The following PHB2 variants were observed in gnomAD, a reference collection of about 807,000 sequenced individuals.
The protein encoded by PHB2 is prohibitin-2.
A neutral mutation model predicts 46.4 loss-of-function variants in PHB2; 22 were observed. The observed-to-expected ratio is 0.47, with a 90% CI of 0.34 to 0.68. PHB2 has a LOEUF of 0.68. PHB2 is among the 30% of genes least tolerant of loss of function. The probability of loss-of-function intolerance (pLI) is 0.01; values close to 1 mark genes in which losing one functional copy is unlikely to be tolerated. For missense variants in PHB2, 305 were observed against 382.8 expected (o/e 0.80, Z 1.70); for synonymous variants, 156 against 150.5 (o/e 1.04, Z -0.27).
chr12:6,968,627 G>A lies in PHB2; in HGVS notation c.293-32C>T, dbSNP rs781990643. ...TTGAGGTCAGCAGTGGCTGGTCAAG[G>A]CCAAACACCCTTTCCCAAGCATTTT... On this transcript the variant is annotated intron_variant, in intron 3 of 9. Transcript: ENST00000535923. The A allele has an allele frequency of 5.7e-6, 9 of 1,570,190 alleles. No homozygotes were observed. The South Asian group carries it at 1.0e-4, about 18-fold the overall frequency.
rs782404486 is a variant in PHB2 at position 6,967,827 on chromosome 12, C to T, written c.608-48G>A. The T allele has an allele frequency of 1.2e-6, 2 of 1,609,256 alleles. No individual in the cohort carries two copies. Among genetic ancestry groups the T allele is most frequent in the Non-Finnish European group, 1.7e-6 (2 of 1,176,418 alleles). ...AGACCCTGTCCTGGGTCAGGAGCCCCACCCATGGAGTCTTTCCTCCTCCTG... is the reference window on the plus strand; with the variant it reads ...AGACCCTGTCCTGGGTCAGGAGCCCTACCCATGGAGTCTTTCCTCCTCCTG... On this transcript the variant is annotated intron_variant, in intron 5 of 9. Transcript: ENST00000535923. This position sits in a 1 kb window ranked among gnomAD's most constrained non-coding sequence, Gnocchi z 4.9.
chr12:6,966,639 T>C, intron 7 of PHB2, 139 bp from the exon 8 acceptor site: 1 of 678,782 alleles, frequency 1.5e-6, no homozygotes, highest in Non-Finnish European at 2.7e-6. Context: ...TGGTTTCTGC[T>C]CGCACTTAGG....
intron 2 of PHB2, 27 bp downstream of exon 2, chr12:6,970,169 G>A (rs782165238): frequency 6.4e-7 from 1 of 1,566,568 alleles, no homozygotes; most frequent in South Asian, 1.1e-5. Flanking sequence ...TGAAAGGTCA[G>A]GGTCAGCAGG....
At position 6,970,367 on chromosome 12, in the gene PHB2, G is replaced by A. The variant is rs782141265; in HGVS notation, c.127+50C>T. 15 of 1,604,670 alleles carry A rather than the reference G, an allele frequency of 9.3e-6. No individual in the cohort carries two copies. In the South Asian group the frequency reaches 1.2e-4, roughly 13 times the overall value. The stretch of plus-strand genomic sequence containing the variant: ...GAGGGGCGCGGGGACAGGGCAAGGG[G>A]TTTGGGGGAGGGACTGGAAGCGTCC... On this transcript the variant is annotated intron_variant, in intron 1 of 9. Transcript: ENST00000535923.
At position 6,970,466 on chromosome 12, in the gene PHB2, C is replaced by A. The variant is rs781798681; in HGVS notation, c.78G>T (p.Leu26Phe). 13 of 1,605,628 alleles carry A rather than the reference C, an allele frequency of 8.1e-6. No individual in the cohort carries two copies. In the South Asian group the frequency reaches 9.9e-5, roughly 12 times the overall value. ...CGTAGGCCACGGCGCCGGCCCCCAG[C>A]AACAGCTTCAGGGCCGTGCCCATGC... ...PRGMGTALKLLLGAGAVAYGV... is the reference protein window; with the variant it reads ...PRGMGTALKLFLGAGAVAYGV... The change falls in exon 1 of 10, where the codon TTG (leucine) becomes TTT (phenylalanine). Residue 26 changes from leucine (L) to phenylalanine (F), a missense_variant. Physicochemically the swap from Leu to Phe is conservative, Grantham distance 22. Coordinates refer to ENST00000535923, the MANE Select transcript of PHB2 (RefSeq NM_001144831.2).
At position 6,967,379 on chromosome 12, in the gene PHB2, T is replaced by C. The variant is rs1591700654; in HGVS notation, c.712-131A>G. On this transcript the variant is annotated intron_variant, in intron 6 of 9. Coordinates refer to ENST00000535923, the MANE Select transcript of PHB2 (RefSeq NM_001144831.2). The surrounding 1 kb of genome is among the most constrained non-coding windows in gnomAD (Gnocchi z 4.9). ...CGCTCAGGTGGCTTGTGCCCAGCCC[T>C]ACCGTGGACCCCACCTGTGGGCCTC... The C allele has an allele frequency of 1.2e-5, 20 of 1,606,274 alleles. No individual in the cohort carries two copies. In the East Asian group the frequency reaches 3.3e-4, roughly 27 times the overall value.
Position 6,968,509 on chromosome 12 carries a change from C to A in PHB2, c.379G>T (p.Asp127Tyr). Residue 127 changes from aspartate (D) to tyrosine (Y), a missense_variant, in exon 4 of 10, where the codon GAC (aspartate) becomes TAC (tyrosine). Around this residue, in one of 3 missense-constraint regions of PHB2, gnomAD observed 241 missense variants for 302.7 expected, o/e 0.80. Transcript: ENST00000535923. ...GACGGCAACACTCGTTCCTCGTAGT[C>A]CAGCCCTAGGCGCTGGTACATGCTA... ...LPSMYQRLGL[D>Y]YEERVLPSIV... is the part of the protein sequence containing the mutation. 1 of 1,613,530 alleles carries A rather than the reference C, an allele frequency of 6.2e-7. No homozygotes were observed. Among genetic ancestry groups the A allele is most frequent in the Non-Finnish European group, 8.5e-7 (1 of 1,179,660 alleles).
rs115040081 is a variant in PHB2 at position 6,967,177 on chromosome 12, G to A, written c.783C>T (p.Ser261=). Residue 261 remains serine, a synonymous_variant, in exon 7 of 10, where the codon TCC becomes TCT. Transcript: ENST00000535923. The surrounding 1 kb of genome is among the most constrained non-coding windows in gnomAD (Gnocchi z 4.9). ...GCTGGGCTGACACACTCACCGTCTT[G>A]GAGATATTCTGGGCTGCTCGAATCT... The part of the protein sequence containing the change: ...LRKIRAAQNI[S]KTIATSQNRI... 1 of 1,575,222 alleles carries A rather than the reference G, an allele frequency of 6.3e-7. No homozygotes were observed. Among genetic ancestry groups the A allele is most frequent in the Non-Finnish European group, 8.6e-7 (1 of 1,159,538 alleles).
At position 6,970,446 on chromosome 12, in the gene PHB2, G is replaced by A; in HGVS notation, c.98C>T (p.Ala33Val). ...GAACACAGATTCGCGCACACCGTAG[G>A]CCACGGCGCCGGCCCCCAGCAACAG... Reference protein sequence around the residue: ...LKLLLGAGAVAYGVRESVFTV... With the variant: ...LKLLLGAGAVVYGVRESVFTV... The change falls in exon 1 of 10, where the codon GCC (alanine) becomes GTC (valine). Residue 33 changes from alanine to valine, a missense_variant. Physicochemically the swap from Ala to Val is moderately conservative, Grantham distance 64. This residue lies in a region of PHB2 where 60 missense variants were observed against 61.0 expected (regional missense o/e 0.98). Coordinates refer to ENST00000535923, the MANE Select transcript of PHB2 (RefSeq NM_001144831.2). The A allele has an allele frequency of 6.2e-7, 1 of 1,604,208 alleles. No individual in the cohort carries two copies. The highest frequency in any genetic ancestry group is 8.5e-7 in the Non-Finnish European group (1 of 1,179,614).
chr12:6,967,175 T>G lies in PHB2; in HGVS notation c.785A>C (p.Lys262Thr), dbSNP rs1377300989. 1 of 1,573,342 alleles carries G rather than the reference T, an allele frequency of 6.4e-7. No individual in the cohort carries two copies. Residue 262 changes from lysine to threonine, a missense_variant, in exon 7 of 10, where the codon AAG (lysine) becomes ACG (threonine). This residue lies in a region of PHB2 where 241 missense variants were observed against 302.7 expected (regional missense o/e 0.80). Coordinates refer to ENST00000535923, the MANE Select transcript of PHB2 (RefSeq NM_001144831.2). The surrounding 1 kb of genome is among the most constrained non-coding windows in gnomAD (Gnocchi z 4.9). ...RKIRAAQNIS[K>T]TIATSQNRIY... ...ACGCTGGGCTGACACACTCACCGTC[T>G]TGGAGATATTCTGGGCTGCTCGAAT...
At chr12:6,969,802 G>C (rs1946285609) in intron 2 of PHB2, 1 of 512,202 alleles carries the variant, frequency 2.0e-6, no homozygotes. Flanking sequence ...GTGAGGCTGA[G>C]GCAGGAGAAT....
chr12:6,966,434 T>C lies in PHB2; in HGVS notation c.856A>G (p.Ser286Gly), dbSNP rs1168231969. ...DNLVLNLQDE[S>G]FTRGSDSLIK... ...GGCCACATCTCTCACCTGGTGAAAC[T>C]TTCATCCTGTAGGTTCAGCACAAGG... Residue 286 changes from serine (S) to glycine (G), a missense_variant, in exon 8 of 10, where the codon AGT becomes GGT. Physicochemically the swap from Ser to Gly is moderately conservative, Grantham distance 56 (BLOSUM62 0). Coordinates refer to ENST00000535923, the MANE Select transcript of PHB2 (RefSeq NM_001144831.2). 2 of 1,603,692 alleles carry C rather than the reference T, an allele frequency of 1.2e-6. No individual in the cohort carries two copies. Among genetic ancestry groups the C allele is most frequent in the East Asian group, 2.2e-5 (1 of 44,866 alleles).
Position 6,967,567 on chromosome 12 carries a change from G to C in PHB2, c.711+109C>G. The C allele has an allele frequency of 1.0e-6, 1 of 998,498 alleles. No homozygotes were observed. The highest frequency in any genetic ancestry group is 1.6e-6 in the Non-Finnish European group (1 of 626,808). 61.9% of individuals were successfully genotyped at this position (998,498 alleles called of 1,614,324 possible). ...ACCCCCAACAAGGAGCCAAGGGCCA[G>C]AGAGCACGGAGTCGCATTCGCCTTA... On this transcript the variant is annotated intron_variant, in intron 6 of 9. Transcript: ENST00000535923. The surrounding 1 kb of genome is among the most constrained non-coding windows in gnomAD (Gnocchi z 4.9).
Position 6,967,727 on chromosome 12 carries a change from T to A in PHB2, c.660A>T (p.Glu220Asp), listed in dbSNP as rs1477428291. The A allele has an allele frequency of 6.2e-7, 1 of 1,613,840 alleles. No homozygotes were observed. Among genetic ancestry groups the A allele is most frequent in the African/African-American group, 1.3e-5 (1 of 74,934 alleles). ...AQFLVEKAKQEQRQKIVQAEG... is the reference protein window; with the variant it reads ...AQFLVEKAKQDQRQKIVQAEG... ...CGGCCTGCACAATTTTCTGCCGCTG[T>A]TCCTGCTTTGCTTTTTCTACCAAGA... The change falls in exon 6 of 10, where the codon GAA becomes GAT. Residue 220 changes from glutamate (E) to aspartate (D), a missense_variant. Around this residue, in one of 3 missense-constraint regions of PHB2, gnomAD observed 241 missense variants for 302.7 expected, o/e 0.80. Coordinates refer to ENST00000535923, the MANE Select transcript of PHB2 (RefSeq NM_001144831.2). This position sits in a 1 kb window ranked among gnomAD's most constrained non-coding sequence, Gnocchi z 4.9.
chr12:6,968,097 C>T (rs1946247219), intron 4 of PHB2, 76 bp from the exon 5 acceptor site: 2 of 1,340,002 alleles, frequency 1.5e-6, no homozygotes, highest in South Asian at 2.7e-5. Flanking sequence ...GTTGCGACCC[C>T]TAACCCTTCA....
In PHB2 at chr12:6,970,472, C is replaced by T. The variant is rs1555151918; in HGVS notation, c.72G>A (p.Lys24=). ...AGPRGMGTAL[K]LLLGAGAVAY... ...CCACGGCGCCGGCCCCCAGCAACAG[C>T]TTCAGGGCCGTGCCCATGCCCCGGG... is the stretch of plus-strand genomic sequence containing the variant. Residue 24 remains lysine (K), a synonymous_variant, in exon 1 of 10, where the codon AAG becomes AAA. Coordinates refer to ENST00000535923, the MANE Select transcript of PHB2 (RefSeq NM_001144831.2). 3 of 1,605,936 alleles carry T rather than the reference C, an allele frequency of 1.9e-6. No homozygotes were observed. Among genetic ancestry groups the T allele is most frequent in the Non-Finnish European group, 2.5e-6 (3 of 1,179,426 alleles).
At position 6,966,644 on chromosome 12, in the gene PHB2, C is replaced by T. The variant is rs782808585; in HGVS notation, c.790-144G>A. On this transcript the variant is annotated intron_variant, in intron 7 of 9. Coordinates refer to ENST00000535923, the MANE Select transcript of PHB2 (RefSeq NM_001144831.2). ...GAGTAACACATGGTTTCTGCTCGCA[C>T]TTAGGGATCCAGAGCGCTGAGCAGC... The T allele has an allele frequency of 6.9e-4, 457 of 667,062 alleles. 1 individual carries two copies. The highest frequency in any genetic ancestry group is 6.4e-3 in the African/African-American group (365 of 56,770). The allele number at this position is 667,062 out of a possible 1,614,324, so 41.3% of individuals were successfully genotyped here. A position where few individuals can be genotyped will look rare whatever the true frequency, so the allele number is the denominator to read the frequency against.
In PHB2 at chr12:6,967,467, A is replaced by T. The variant is rs369576243; in HGVS notation, c.711+209T>A. 33 of 1,051,884 alleles carry T rather than the reference A, an allele frequency of 3.1e-5. 1 individual carries two copies. The highest frequency in any genetic ancestry group is 2.0e-4 in the Middle Eastern group (1 of 5,010). The allele number at this position is 1,051,884 out of a possible 1,614,324, so 65.2% of individuals were successfully genotyped here. On this transcript the variant is annotated intron_variant, in intron 6 of 9. Transcript: ENST00000535923. This position sits in a 1 kb window ranked among gnomAD's most constrained non-coding sequence, Gnocchi z 4.9. Reference sequence around the variant, plus strand: ...AAATGAAGGCAAGGCCACCAATGCTATTGATCTGGCCTTACAGTGGGGAGT... The same window carrying T: ...AAATGAAGGCAAGGCCACCAATGCTTTTGATCTGGCCTTACAGTGGGGAGT...
intron 1 of PHB2, 65 bp downstream of exon 1, chr12:6,970,352 G>C: frequency 6.2e-7 from 1 of 1,604,378 alleles, no homozygotes; most frequent in Non-Finnish European, 8.5e-7. Context: ...GAGGGGCGCG[G>C]GGACAGGGCA....
Sources: allele counts gnomAD v4.1 joint callset, GRCh38; gene constraint gnomAD v4.1.1; regional missense constraint gnomAD v4.1.1; non-coding constraint Gnocchi (gnomAD v3.1); transcripts MANE v1.5; gene names NCBI Gene and HGNC (gene_info 2026-07-23, HGNC 2026-07-21).